The following BICD1 variants were observed in gnomAD, a reference collection of about 807,000 sequenced individuals.
BICD1 encodes the protein protein bicaudal D homolog 1.
A neutral mutation model predicts 92.5 loss-of-function variants in BICD1; 35 were observed. The ratio of observed to expected loss-of-function variants is 0.38; its 90% confidence interval spans 0.29 to 0.50. The LOEUF (loss-of-function observed/expected upper bound fraction) is 0.50. Among genes scored for constraint, BICD1 ranks in the 20% least tolerant of loss-of-function variants. BICD1 has a pLI of 0.93. For missense variants in BICD1, 950 were observed against 1,189.8 expected (o/e 0.80, Z 2.97); for synonymous variants, 429 against 465.1 (o/e 0.92, Z 1.00).
chr12:32,148,240 C>T (rs951430280), intron 1 of BICD1, among the ~76,000 whole-genome samples: 5 of 151,776 alleles, frequency 3.3e-5, no homozygotes, highest in African/African-American at 1.2e-4. Flanking sequence ...TCATTTCTGA[C>T]AGGCCTGTGT....
intron 1 of BICD1, among the ~76,000 whole-genome samples, chr12:32,133,322 T>A (rs1333282060): frequency 6.6e-6 from 1 of 151,990 alleles, no homozygotes; most frequent in African/African-American, 2.4e-5. Context: ...ACCCCATCTC[T>A]ACTAAAAATG....
At chr12:32,357,012 CTT>C (rs35643247) in intron 8 of BICD1, among the ~76,000 whole-genome samples, 47 of 129,454 alleles carry the variant, frequency 3.6e-4, no homozygotes, top group Non-Finnish European at 2.6e-4. Flanking sequence ...GATTCTCCTG[CTT>C]TTTTTTTTTT....
At chr12:32,288,569 T>TA (rs1192882051) in intron 2 of BICD1, among the ~76,000 whole-genome samples, 1 of 152,004 alleles carries the variant, frequency 6.6e-6, no homozygotes, top group Non-Finnish European at 1.5e-5. Context: ...ATTTTAAAAA[T>TA]TATTATAATA....
At chr12:32,129,238 T>C (rs1289108840) in intron 1 of BICD1, among the ~76,000 whole-genome samples, 5 of 151,516 alleles carry the variant, frequency 3.3e-5, no homozygotes, top group African/African-American at 4.8e-5. Context: ...TAAAAATTTT[T>C]TGTAGGCCGG....
At position 32,238,973 on chromosome 12, in the gene BICD1, G is replaced by T. The variant is rs578178112; in HGVS notation, c.426+22514G>T. The stretch of plus-strand genomic sequence containing the variant: ...AAAAAAAAAAAAAAAAAGGCTGGGC[G>T]CAGTGGCTCACGCCTGTAATCCCAG... On this transcript the variant is annotated intron_variant, in intron 2 of 9. Transcript: ENST00000652176. Among the ~76,000 whole-genome samples the T allele has an allele frequency of 7.4e-3, 1,102 of 149,166 alleles. 12 individuals are homozygous for T. Among genetic ancestry groups the T allele is most frequent in the African/African-American group, 0.019 (762 of 40,586 alleles).
rs1555134308 is a variant in BICD1, at chr12:32,142,457, T to TCTATCTATC, written c.213+34914_213+34922dup. On this transcript the variant is annotated intron_variant, in intron 1 of 9. Coordinates refer to ENST00000652176, the MANE Select transcript of BICD1 (RefSeq NM_001714.4). ...CAAAAAACCCCACCTATCTATCCTATCTATCTATCTATCTATCTATCTATC... is the reference window on the plus strand; with the variant it reads ...CAAAAAACCCCACCTATCTATCCTATCTATCTATCCTATCTATCTATCTATCTATCTATC... Among the ~76,000 whole-genome samples, 452 of 57,272 alleles carry TCTATCTATC rather than the reference T, an allele frequency of 7.9e-3. 2 individuals carry two copies. Among genetic ancestry groups the TCTATCTATC allele is most frequent in the East Asian group, 0.034 (12 of 356 alleles). 37.6% of individuals were successfully genotyped at this position (57,272 alleles called of 152,430 possible). A position where few individuals can be genotyped will look rare whatever the true frequency, so the allele number is the denominator to read the frequency against.
At chr12:32,153,276 A>T (rs558456284) in intron 1 of BICD1, among the ~76,000 whole-genome samples, 1 of 152,294 alleles carries the variant, frequency 6.6e-6, no homozygotes, top group Non-Finnish European at 1.5e-5. Context: ...ATAGAATTCC[A>T]TGGTGTTTAT....
chr12:32,193,204 C>A (rs1344599282), intron 1 of BICD1, among the ~76,000 whole-genome samples: 1 of 152,192 alleles, frequency 6.6e-6, no homozygotes, highest in African/African-American at 2.4e-5. Context: ...ATTGCCACAG[C>A]CACCCCAACC....
At chr12:32,315,817 A>G (rs1948483165) in intron 4 of BICD1, among the ~76,000 whole-genome samples, 3 of 152,112 alleles carry the variant, frequency 2.0e-5, no homozygotes, top group Admixed American at 1.3e-4. Flanking sequence ...ATTACATGAG[A>G]TAGTAAACAT....
intron 2 of BICD1, among the ~76,000 whole-genome samples, chr12:32,223,866 A>C (rs1166945267): frequency 2.0e-5 from 3 of 152,212 alleles, no homozygotes; most frequent in Non-Finnish European, 4.4e-5. Context: ...GGAAGGCCCA[A>C]GGAGAAAGAG....
chr12:32,128,186 G>A (rs1200577905), intron 1 of BICD1, among the ~76,000 whole-genome samples: 3 of 152,220 alleles, frequency 2.0e-5, no homozygotes, highest in Non-Finnish European at 4.4e-5. Flanking sequence ...TCACAGGCGT[G>A]AGCCACCGCA....
chr12:32,298,496 C>T (rs1239386), intron 3 of BICD1, among the ~76,000 whole-genome samples: 46,746 of 140,220 alleles, frequency 0.33, 8,401 homozygotes, highest in Non-Finnish European at 0.43. Flanking sequence ...ACCCAGGAGG[C>T]GGAGGTTGCA....
intron 2 of BICD1, among the ~76,000 whole-genome samples, chr12:32,284,067 CA>C (rs1473643826): frequency 6.6e-6 from 1 of 152,260 alleles, no homozygotes; most frequent in Non-Finnish European, 1.5e-5. Flanking sequence ...GGCCCCAACA[CA>C]GAAATCCCTG....
At chr12:32,288,618 C>T (rs1421075989) in intron 2 of BICD1, among the ~76,000 whole-genome samples, 2 of 152,064 alleles carry the variant, frequency 1.3e-5, no homozygotes, top group African/African-American at 2.4e-5. Context: ...GTAATCCCAG[C>T]ACTTTGGGAG....
chr12:32,123,019 A>G lies in BICD1; in HGVS notation c.213+15475A>G, dbSNP rs77485092. 3.8e-3 allele frequency among the ~76,000 whole-genome samples: 582 copies of G among 152,346 alleles called. 4 individuals are homozygous for G. The highest frequency in any genetic ancestry group is 0.013 in the African/African-American group (547 of 41,578). ...AGAGAACAAACACAACAGAAGGTCC[A>G]TATTTGCGGAGCCTACATTTTGTGG... On this transcript the variant is annotated intron_variant, in intron 1 of 9. Coordinates refer to ENST00000652176, the MANE Select transcript of BICD1 (RefSeq NM_001714.4).
At chr12:32,311,371 T>C (rs1948372022) in intron 4 of BICD1, among the ~76,000 whole-genome samples, 1 of 152,212 alleles carries the variant, frequency 6.6e-6, no homozygotes, top group South Asian at 2.1e-4. Flanking sequence ...TGGTGATGCA[T>C]GCCTGTAGTC....
chr12:32,130,297 G>T (rs966136083), intron 1 of BICD1, among the ~76,000 whole-genome samples: 2 of 151,552 alleles, frequency 1.3e-5, no homozygotes, highest in Non-Finnish European at 2.9e-5. Context: ...TCCGCCTCTC[G>T]GGTTCATGCC....
chr12:32,206,914 A>G (rs1027566407), intron 1 of BICD1, among the ~76,000 whole-genome samples: 4 of 152,262 alleles, frequency 2.6e-5, no homozygotes, highest in African/African-American at 9.6e-5. Context: ...AGCAAATTGC[A>G]AAAGAGTGCA....
At chr12:32,374,748 T>A (rs1331117661) in intron 9 of BICD1, among the ~76,000 whole-genome samples, 1 of 138,256 alleles carries the variant, frequency 7.2e-6, no homozygotes, top group Admixed American at 7.3e-5. Flanking sequence ...TTTTTTTTTT[T>A]TTTTTTTTTT....
Sources: gnomAD v4.1 joint callset for allele counts (sites outside exome capture counted in the v4.1 genomes callset) on GRCh38, gnomAD v4.1.1 for gene constraint, MANE v1.5 for transcripts, NCBI Gene and HGNC (gene_info 2026-07-23, HGNC 2026-07-21) for gene names.